Variants in SMIM7 observed in about 807,000 individuals in gnomAD.
SMIM7 encodes the protein UPF0608 protein C19orf42.
In SMIM7, 12 loss-of-function variants were observed where a neutral mutation model predicts 13.3. The observed-to-expected ratio is 0.90, with a 90% CI of 0.58 to 1.46. The LOEUF (loss-of-function observed/expected upper bound fraction) is 1.46. Among genes scored for constraint, SMIM7 ranks in the 40% most tolerant of loss-of-function variants. SMIM7 has a pLI of 0.00. For synonymous variants in SMIM7, 36 were observed against 35.8 expected (o/e 1.01, Z -0.02); for missense variants, 114 against 94.8 (o/e 1.20, Z -0.84).
At chr19:16,655,071 T>C (rs1363560052) in intron 3 of SMIM7, among the ~76,000 whole-genome samples, 1 of 152,128 alleles carries the variant, frequency 6.6e-6, no homozygotes. Context: ...ACCCCAACCC[T>C]AATCTTGAAG....
At chr19:16,635,899 A>AAT (rs1170352437) in intron 4 of SMIM7, among the ~76,000 whole-genome samples, 5,129 of 109,280 alleles carry the variant, frequency 0.047, 191 homozygotes, top group East Asian at 0.071. Flanking sequence ...AAAAAAAAAA[A>AAT]ATATATATAT....
chr19:16,653,619 T>G, intron 4 of SMIM7: 1 of 183,172 alleles, frequency 5.5e-6, no homozygotes, highest in Non-Finnish European at 1.1e-5. Context: ...AACAGGGCCG[T>G]GCACAGTGGC....
intron 4 of SMIM7, among the ~76,000 whole-genome samples, chr19:16,650,350 C>T (rs978879075): frequency 2.0e-5 from 3 of 152,296 alleles, no homozygotes; most frequent in East Asian, 1.9e-4. Flanking sequence ...TACTCAGGGA[C>T]GTTTCTCCCC....
chr19:16,651,300 C>T (rs981105886), intron 4 of SMIM7, among the ~76,000 whole-genome samples: 7 of 152,296 alleles, frequency 4.6e-5, no homozygotes, highest in Admixed American at 2.6e-4. Context: ...TCAACTCCAC[C>T]GCTGTGACAC....
rs141398952 is a variant in SMIM7, at chr19:16,659,385, T to G, written c.121+10A>C. The G allele has an allele frequency of 1.7e-4, 271 of 1,613,402 alleles. No homozygotes were observed. In the East Asian group the frequency reaches 4.1e-3, roughly 24 times the overall value. On this transcript the variant is annotated intron_variant, in intron 3 of 4. Transcript: ENST00000487416. ...GGACCATGCAATTCCAGGATCCAAT[T>G]AGACCTTACCTGTGCTGGGCTCCCT...
At chr19:16,659,554 G>A (rs770194071) in intron 2 of SMIM7, 107 bp from the exon 3 acceptor site, 5 of 1,149,728 alleles carry the variant, frequency 4.3e-6, no homozygotes, top group Non-Finnish European at 5.0e-6. Context: ...CCCTGGCCCT[G>A]CCGCAAACTT....
At chr19:16,655,834 C>T (rs190782861) in intron 3 of SMIM7, among the ~76,000 whole-genome samples, 1 of 152,238 alleles carries the variant, frequency 6.6e-6, no homozygotes, top group East Asian at 1.9e-4. Context: ...GACAACCTGA[C>T]ATCCCTGCTC....
chr19:16,647,191 A>T lies in SMIM7; in HGVS notation c.*55T>A. 2 of 1,611,016 alleles carry T rather than the reference A, an allele frequency of 1.2e-6. No homozygotes were observed. The highest frequency in any genetic ancestry group is 8.5e-7 in the Non-Finnish European group (1 of 1,177,558). Reference sequence around the variant, plus strand: ...ACATTCTTGAAGTCATCAGGAATGGAGGAATGGAGACTCGGCATCCCGGGA... The same window carrying T: ...ACATTCTTGAAGTCATCAGGAATGGTGGAATGGAGACTCGGCATCCCGGGA... On this transcript the variant is annotated 3_prime_UTR_variant, in exon 5 of 5. Coordinates refer to ENST00000487416, the MANE Select transcript of SMIM7 (RefSeq NM_024104.4).
chr19:16,637,782 A>G (rs2086370030), intron 4 of SMIM7, among the ~76,000 whole-genome samples: 1 of 152,242 alleles, frequency 6.6e-6, no homozygotes, highest in Admixed American at 6.5e-5. Flanking sequence ...GAGAGTAACT[A>G]ACAGCAGCTG....
downstream of SMIM7, among the ~76,000 whole-genome samples, chr19:16,643,006 T>A (rs906959242): frequency 1.3e-5 from 2 of 151,962 alleles, no homozygotes; most frequent in Non-Finnish European, 2.9e-5. Flanking sequence ...GTATTTTTAG[T>A]AGAGACGGGG....
intron 3 of SMIM7, among the ~76,000 whole-genome samples, chr19:16,655,787 A>T (rs147096225): frequency 6.6e-6 from 1 of 151,948 alleles, no homozygotes; most frequent in African/African-American, 2.4e-5. Context: ...TACAGCATAC[A>T]CAACACAAGC....
At chr19:16,652,477 C>T (rs1379069151) in intron 4 of SMIM7, 2 of 954,104 alleles carry the variant, frequency 2.1e-6, no homozygotes, top group East Asian at 1.1e-4. Context: ...ACTGGGATTA[C>T]AGGCCTGAGC....
At chr19:16,657,805 A>T (rs950780016) in intron 3 of SMIM7, among the ~76,000 whole-genome samples, 2 of 152,134 alleles carry the variant, frequency 1.3e-5, no homozygotes, top group Admixed American at 1.3e-4. Flanking sequence ...CTGAGGTGGG[A>T]GGATCGTTTG....
chr19:16,657,788 T>G, intron 3 of SMIM7, among the ~76,000 whole-genome samples: 1 of 152,160 alleles, frequency 6.6e-6, no homozygotes, highest in Non-Finnish European at 1.5e-5. Flanking sequence ...CCCAGCACTT[T>G]GGGAGGCTGA....
At chr19:16,657,556 C>T (rs1054935448) in intron 3 of SMIM7, among the ~76,000 whole-genome samples, 1 of 152,132 alleles carries the variant, frequency 6.6e-6, no homozygotes, top group Non-Finnish European at 1.5e-5. Context: ...TCATTGATTC[C>T]CTATGTGGCC....
At position 16,659,790 on chromosome 19, in the gene SMIM7, G is replaced by T. The variant is rs138204281; in HGVS notation, c.68+169C>A. The T allele has an allele frequency of 3.2e-4, 271 of 846,752 alleles. 1 individual carries two copies. The East Asian group carries it at 6.9e-3, about 22-fold the overall frequency. 52.5% of individuals were successfully genotyped at this position (846,752 alleles called of 1,614,324 possible). A position where few individuals can be genotyped will look rare whatever the true frequency, so the allele number is the denominator to read the frequency against. ...AGAGTATGGGTTTAAGGTCTCTCGG[G>T]GGGTGGGGGGCGAGGAAGATAAACC... On this transcript the variant is annotated intron_variant, in intron 2 of 4. Transcript: ENST00000487416.
At chr19:16,649,096 A>G (rs1219055751) in intron 4 of SMIM7, among the ~76,000 whole-genome samples, 1 of 152,186 alleles carries the variant, frequency 6.6e-6, no homozygotes, top group Non-Finnish European at 1.5e-5. Flanking sequence ...GTTGGCAAGG[A>G]TACGGAGAAA....
chr19:16,631,972 C>T (rs551588945), intron 4 of SMIM7, among the ~76,000 whole-genome samples: 6 of 151,488 alleles, frequency 4.0e-5, no homozygotes, highest in African/African-American at 1.5e-4. Context: ...CAGGTTCAAG[C>T]GATTCTCCTG....
intron 4 of SMIM7, among the ~76,000 whole-genome samples, chr19:16,650,724 AAAG>A (rs951636839): frequency 2.6e-5 from 4 of 151,540 alleles, no homozygotes; most frequent in South Asian, 2.1e-4. Context: ...AAAAAAAAAA[AAAG>A]AAGAAATAGG....
Sources: gnomAD v4.1 joint callset for allele counts (sites outside exome capture counted in the v4.1 genomes callset) on GRCh38, gnomAD v4.1.1 for gene constraint, MANE v1.5 for transcripts, NCBI Gene and HGNC (gene_info 2026-07-23, HGNC 2026-07-21) for gene names.